PKN2: variants seen among roughly 807,000 people sequenced by gnomAD.
PKN2 encodes the protein serine/threonine-protein kinase N2.
Under a neutral mutation model 119.1 loss-of-function variants are expected in PKN2, and 38 were observed. The ratio of observed to expected loss-of-function variants is 0.32; its 90% confidence interval spans 0.25 to 0.42. The LOEUF (loss-of-function observed/expected upper bound fraction) is 0.42. Among genes scored for constraint, PKN2 ranks in the 10% least tolerant of loss-of-function variants. The pLI, the probability that PKN2 is intolerant of heterozygous loss-of-function variation, is 1.00. For missense variants in PKN2, 850 were observed against 1,165.1 expected, an observed-to-expected ratio of 0.73 and a Z score of 3.94; for synonymous variants, 390 against 384.9, an observed-to-expected ratio of 1.01 and a Z score of -0.15.
chr1:88,829,071 G>T, intron 19 of PKN2: 1 of 670,582 alleles, frequency 1.5e-6, no homozygotes, highest in South Asian at 1.5e-5. Flanking sequence ...GAAGTTCCTG[G>T]GGAAGCAAAG....
chr1:88,790,293 A>AGG (rs1223125201), intron 8 of PKN2, among the ~76,000 whole-genome samples: 1 of 152,230 alleles, frequency 6.6e-6, no homozygotes, highest in Admixed American at 6.5e-5. Context: ...TGCTGAGAAA[A>AGG]GGGTGAATGA....
intron 6 of PKN2, among the ~76,000 whole-genome samples, chr1:88,780,467 T>G (rs569341703): frequency 6.6e-6 from 1 of 152,312 alleles, no homozygotes; most frequent in South Asian, 2.1e-4. Flanking sequence ...GTGTAACTCC[T>G]ATCATGAATA....
rs60507382 is a variant in PKN2 at position 88,724,882 on chromosome 1, G to GTTTTTTT, written c.49-16092_49-16086dup. On this transcript the variant is annotated intron_variant, in intron 1 of 21. Coordinates refer to ENST00000370521, the MANE Select transcript of PKN2 (RefSeq NM_006256.4). Reference sequence around the variant, plus strand: ...CCACTGTGCCCGCCCCCACCCCTTGGTTTTTTTTTTTTTTTTTTTTCCTTC... The same window carrying GTTTTTTT: ...CCACTGTGCCCGCCCCCACCCCTTGGTTTTTTTTTTTTTTTTTTTTTTTTTTTCCTTC... 2.3e-3 allele frequency among the ~76,000 whole-genome samples: 247 copies of GTTTTTTT among 105,938 alleles called. 3 individuals carry two copies. The highest frequency in any genetic ancestry group is 8.1e-3 in the African/African-American group (190 of 23,450). 69.5% of individuals were successfully genotyped at this position (105,938 alleles called of 152,430 possible).
At chr1:88,823,728 A>G (rs1179817179) in intron 17 of PKN2, among the ~76,000 whole-genome samples, 1 of 139,420 alleles carries the variant, frequency 7.2e-6, no homozygotes, top group Non-Finnish European at 1.5e-5. Context: ...AAAAAAAAAA[A>G]GGCTGGGTGT....
intron 2 of PKN2, among the ~76,000 whole-genome samples, chr1:88,742,353 G>C (rs1398201953): frequency 6.6e-6 from 1 of 152,054 alleles, no homozygotes; most frequent in Non-Finnish European, 1.5e-5. Context: ...CTGATATTTA[G>C]TGTTCTTGTT....
chr1:88,805,414 A>G, intron 10 of PKN2, 83 bp from the exon 11 acceptor site: 2 of 1,203,878 alleles, frequency 1.7e-6, no homozygotes, highest in Non-Finnish European at 2.3e-6. Flanking sequence ...ATTATAAACT[A>G]ATGGATAAGA....
rs1670499214 is a variant in PKN2 at position 88,784,714 on chromosome 1, T to G, written c.1061T>G (p.Val354Gly). Residue 354 changes from valine to glycine, a missense_variant, in exon 7 of 22, where the codon GTT (valine) becomes GGT (glycine). By Grantham distance (109) the Val-to-Gly change is moderately radical (BLOSUM62 -3). Transcript: ENST00000370521. ...CCTGGACGGTCAAAAGCAACATCAG[T>G]TGCACTGCCTGGTTGGAGTCCAAGT... ...NVPGRSKATSVALPGWSPSET... is the reference protein window; with the variant it reads ...NVPGRSKATSGALPGWSPSET... The G allele has an allele frequency of 4.3e-6, 7 of 1,612,588 alleles. No individual in the cohort carries two copies. Among genetic ancestry groups the G allele is most frequent in the Non-Finnish European group, 5.9e-6 (7 of 1,179,114 alleles).
At chr1:88,714,677 G>A (rs948944197) in intron 1 of PKN2, among the ~76,000 whole-genome samples, 2 of 152,144 alleles carry the variant, frequency 1.3e-5, no homozygotes, top group East Asian at 3.9e-4. Flanking sequence ...TTGGGGCTGA[G>A]ACGATGGGGT....
chr1:88,707,676 C>G (rs1557553445), intron 1 of PKN2, among the ~76,000 whole-genome samples: 1 of 152,010 alleles, frequency 6.6e-6, no homozygotes, highest in Non-Finnish European at 1.5e-5. Context: ...TTTTTCCAGT[C>G]ATTTTGGTAA....
chr1:88,834,927 C>T lies in PKN2; in HGVS notation c.*1479C>T, dbSNP rs1170194911. 1 of 152,236 alleles carries T rather than the reference C, an allele frequency of 6.6e-6. No homozygotes were observed. The highest frequency in any genetic ancestry group is 2.4e-5 in the African/African-American group (1 of 41,366). The allele number at this position is 152,236 out of a possible 1,614,324, so 9.4% of individuals were successfully genotyped here. Reference sequence around the variant, plus strand: ...TGCTTAGCATGTTAGGGTCATTATACCTCAGGAATAGCAAGCTGTTAAGTA... The same window carrying T: ...TGCTTAGCATGTTAGGGTCATTATATCTCAGGAATAGCAAGCTGTTAAGTA... On this transcript the variant is annotated 3_prime_UTR_variant, in exon 22 of 22. Transcript: ENST00000370521.
chr1:88,727,684 T>A (rs1361603706), intron 1 of PKN2, among the ~76,000 whole-genome samples: 1 of 152,272 alleles, frequency 6.6e-6, no homozygotes, highest in South Asian at 2.1e-4. Flanking sequence ...TCTCCGTATA[T>A]CACTCTTTTT....
chr1:88,805,454 T>C (rs1671498085), intron 10 of PKN2, 43 bp from the exon 11 acceptor site: 1 of 1,473,152 alleles, frequency 6.8e-7, no homozygotes, highest in African/African-American at 1.4e-5. Flanking sequence ...TGGTTATACA[T>C]AAAGAAATTA....
intron 19 of PKN2, among the ~76,000 whole-genome samples, chr1:88,829,584 T>C (rs1672652651): frequency 6.6e-6 from 1 of 152,228 alleles, no homozygotes; most frequent in South Asian, 2.1e-4. Context: ...TGAGTTATGT[T>C]AAGGCAATAA....
intron 1 of PKN2, among the ~76,000 whole-genome samples, chr1:88,733,366 A>T (rs1476500620): frequency 6.6e-6 from 1 of 151,932 alleles, no homozygotes; most frequent in Non-Finnish European, 1.5e-5. Flanking sequence ...TGATTTTTTG[A>T]GAGTACCTAT....
chr1:88,825,698 A>T (rs1350024008), intron 18 of PKN2, among the ~76,000 whole-genome samples: 2 of 152,104 alleles, frequency 1.3e-5, no homozygotes, highest in Non-Finnish European at 2.9e-5. Context: ...TCCTATTTCT[A>T]GTCTTTTTCT....
At chr1:88,814,071 C>T (rs964214567) in intron 16 of PKN2, among the ~76,000 whole-genome samples, 4 of 151,594 alleles carry the variant, frequency 2.6e-5, no homozygotes, top group Non-Finnish European at 5.9e-5. Context: ...TCAAAATGCA[C>T]TGTTAAGTTT....
chr1:88,785,655 T>C (rs1670542997), intron 7 of PKN2, among the ~76,000 whole-genome samples: 1 of 152,178 alleles, frequency 6.6e-6, no homozygotes, highest in South Asian at 2.1e-4. Context: ...GGGAAAAGCA[T>C]GTGACAGTTC....
chr1:88,732,251 G>C (rs1668169686), intron 1 of PKN2, among the ~76,000 whole-genome samples: 1 of 151,790 alleles, frequency 6.6e-6, no homozygotes. Context: ...TTCCTTATTA[G>C]GCAAGGTTAA....
At chr1:88,778,661 TC>T (rs1281837232) in intron 6 of PKN2, among the ~76,000 whole-genome samples, 2 of 152,306 alleles carry the variant, frequency 1.3e-5, no homozygotes, top group East Asian at 3.9e-4. Flanking sequence ...TCATTTGCCT[TC>T]CATTGTTTTT....
Sources: gnomAD v4.1 joint callset for allele counts (sites outside exome capture counted in the v4.1 genomes callset) on GRCh38, gnomAD v4.1.1 for gene constraint, MANE v1.5 for transcripts, NCBI Gene and HGNC (gene_info 2026-07-23, HGNC 2026-07-21) for gene names.